Variants in MRPS26 observed in about 807,000 individuals in gnomAD.
The protein encoded by MRPS26 is small ribosomal subunit protein mS26.
In MRPS26, 26 loss-of-function variants were observed where a neutral mutation model predicts 22.7. The observed-to-expected ratio is 1.15, with a 90% CI of 0.84 to 1.59. The LOEUF is 1.59. Among genes scored for constraint, MRPS26 ranks in the 40% most tolerant of loss-of-function variants. The pLI is 0.00. For missense variants in MRPS26, 291 were observed against 287.7 expected (o/e 1.01, Z -0.08); for synonymous variants, 120 against 124.0 (o/e 0.97, Z 0.22).
intron 3 of MRPS26, among the ~76,000 whole-genome samples, chr20:3,047,485 C>T (rs984749961): frequency 2.0e-5 from 3 of 152,162 alleles, no homozygotes; most frequent in Non-Finnish European, 4.4e-5. Context: ...CCTACCAGGA[C>T]GTGAGATTTT....
In MRPS26 at chr20:3,046,073, T is replaced by C. The variant is rs2065985764; in HGVS notation, c.5T>C (p.Leu2Pro). 6.6e-7 allele frequency: 1 copy of C among 1,511,066 alleles called. No homozygotes were observed. The highest frequency in any genetic ancestry group is 8.8e-7 in the Non-Finnish European group (1 of 1,138,288). The allele number at this position is 1,511,066 out of a possible 1,614,324, so 93.6% of individuals were successfully genotyped here. A position where few individuals can be genotyped will look rare whatever the true frequency, so the allele number is the denominator to read the frequency against. The change falls in exon 1 of 4, where the codon CTA (leucine) becomes CCA (proline). Residue 2 changes from leucine (L) to proline (P), a missense_variant. Coordinates refer to ENST00000380325, the MANE Select transcript of MRPS26 (RefSeq NM_030811.4). MLRALSRLGAGT... is the reference protein window; with the variant it reads MPRALSRLGAGT... ...CCGCAGTGAGGAGACTCGGCCATGC[T>C]ACGCGCGCTGAGCCGCCTGGGCGCG...
intron 1 of MRPS26, 37 bp downstream of exon 1, chr20:3,046,317 T>C (rs907627720): frequency 6.2e-7 from 1 of 1,604,988 alleles, no homozygotes; most frequent in Non-Finnish European, 8.5e-7. Flanking sequence ...CCGCGCGCGC[T>C]GGTGACGGTG....
chr20:3,046,860 A>G, intron 3 of MRPS26, 123 bp downstream of exon 3: 1 of 1,435,616 alleles, frequency 7.0e-7, no homozygotes, highest in East Asian at 2.5e-5. Flanking sequence ...GCAGGTCCGG[A>G]TTTGGAGAGG....
At position 3,046,468 on chromosome 20, in the gene MRPS26, G is replaced by C. The variant is rs770938710; in HGVS notation, c.308G>C (p.Arg103Pro). Residue 103 changes from arginine (R) to proline (P), a missense_variant, in exon 2 of 4, where the codon CGC becomes CCC. Coordinates refer to ENST00000380325, the MANE Select transcript of MRPS26 (RefSeq NM_030811.4). ...RKALKDAAEHRELMAWNQAEN... is the reference protein window; with the variant it reads ...RKALKDAAEHPELMAWNQAEN... ...GCCCTGAAGGACGCCGCCGAGCACC[G>C]CGAGCTGATGGCCTGGAACCAGGCG... 1 of 1,588,450 alleles carries C rather than the reference G, an allele frequency of 6.3e-7. No individual in the cohort carries two copies. Among genetic ancestry groups the C allele is most frequent in the Non-Finnish European group, 8.5e-7 (1 of 1,172,378 alleles).
intron 3 of MRPS26, 56 bp downstream of exon 3, chr20:3,046,793 C>T (rs1469694504): frequency 6.6e-7 from 1 of 1,519,888 alleles, no homozygotes; most frequent in Non-Finnish European, 8.8e-7. Context: ...TTGCGGGGCA[C>T]TGGGAATTCT....
rs2065996058 is a variant in MRPS26, at chr20:3,047,806, G to T, written c.555G>T (p.Lys185Asn). ...TGGAAGCAGCATTGGACTCCCGGAA[G>T]AACTACAACTGGGCCATCACCAGAG... ...ARVEAALDSR[K>N]NYNWAITREG... The change falls in exon 4 of 4, where the codon AAG (lysine) becomes AAT (asparagine). Residue 185 changes from lysine to asparagine, a missense_variant. Physicochemically the swap from Lys to Asn is moderately conservative, Grantham distance 94. Transcript: ENST00000380325. 3 of 1,613,772 alleles carry T rather than the reference G, an allele frequency of 1.9e-6. No individual in the cohort carries two copies. The highest frequency in any genetic ancestry group is 2.5e-6 in the Non-Finnish European group (3 of 1,179,860).
intron 3 of MRPS26, 141 bp downstream of exon 3, chr20:3,046,878 CAGT>C (rs2065991757): frequency 2.9e-6 from 4 of 1,364,504 alleles, no homozygotes; most frequent in Non-Finnish European, 3.9e-6. Flanking sequence ...AGGAGAGTGC[CAGT>C]CAGGCGCAAA....
In MRPS26 at chr20:3,046,619, C is replaced by G; in HGVS notation, c.365C>G (p.Ala122Gly). 2 of 1,536,896 alleles carry G rather than the reference C, an allele frequency of 1.3e-6. No individual in the cohort carries two copies. Among genetic ancestry groups the G allele is most frequent in the Non-Finnish European group, 1.8e-6 (2 of 1,137,258 alleles). ...ENRRLHELRI[A>G]RLRQEEREQE... ...CGGCCCTTTGACCCTCACAGGATAG[C>G]GAGGCTGCGGCAGGAGGAGCGGGAG... Residue 122 changes from alanine to glycine, a missense_variant, in exon 3 of 4, where the codon GCG becomes GGG. Coordinates refer to ENST00000380325, the MANE Select transcript of MRPS26 (RefSeq NM_030811.4).
In MRPS26 at chr20:3,046,273, G is replaced by A. The variant is rs201261299; in HGVS notation, c.205G>A (p.Ala69Thr). ...CCAGCACTACCGCCAGACCGTGCGCGCCCTCAGGTGTGCGGCCGGGGGGAG... is the reference window on the plus strand; with the variant it reads ...CCAGCACTACCGCCAGACCGTGCGCACCCTCAGGTGTGCGGCCGGGGGGAG... The part of the protein sequence containing the change: ...RYQHYRQTVR[A>T]LRMEFVSEVQ... Residue 69 changes from alanine (A) to threonine (T), a missense_variant, in exon 1 of 4, where the codon GCC becomes ACC. Coordinates refer to ENST00000380325, the MANE Select transcript of MRPS26 (RefSeq NM_030811.4). 4.4e-6 allele frequency: 7 copies of A among 1,606,294 alleles called. No individual in the cohort carries two copies. The Admixed American group carries it at 1.0e-4, about 23-fold the overall frequency.
intron 3 of MRPS26, 142 bp from the exon 4 acceptor site, chr20:3,047,593 C>A: frequency 8.4e-7 from 1 of 1,192,922 alleles, no homozygotes; most frequent in South Asian, 1.4e-5. Context: ...GAGGGGCTCT[C>A]AAATAGGACC....
Position 3,047,963 on chromosome 20 carries a change from T to C in MRPS26, c.*94T>C. ...GGAATAAAGCAGTTGGTGTTGCTTATGAGGAAGGTTCAGCCTTATCCAGCA... is the reference window on the plus strand; with the variant it reads ...GGAATAAAGCAGTTGGTGTTGCTTACGAGGAAGGTTCAGCCTTATCCAGCA... On this transcript the variant is annotated 3_prime_UTR_variant, in exon 4 of 4. Coordinates refer to ENST00000380325, the MANE Select transcript of MRPS26 (RefSeq NM_030811.4). The C allele has an allele frequency of 7.0e-7, 1 of 1,437,332 alleles. No homozygotes were observed. The highest frequency in any genetic ancestry group is 9.2e-7 in the Non-Finnish European group (1 of 1,082,080). 89.0% of individuals were successfully genotyped at this position (1,437,332 alleles called of 1,614,324 possible).
At position 3,046,253 on chromosome 20, in the gene MRPS26, A is replaced by G. The variant is rs1483513418; in HGVS notation, c.185A>G (p.His62Arg). 1.9e-6 allele frequency: 3 copies of G among 1,607,072 alleles called. No homozygotes were observed. Among genetic ancestry groups the G allele is most frequent in the East Asian group, 4.5e-5 (2 of 44,826 alleles). ...EFFVLMERYQ[H>R]YRQTVRALRM... ...TTCGTGCTGATGGAGCGTTACCAGC[A>G]CTACCGCCAGACCGTGCGCGCCCTC... Residue 62 changes from histidine (H) to arginine (R), a missense_variant, in exon 1 of 4, where the codon CAC becomes CGC. By Grantham distance (29) the His-to-Arg change is conservative. Coordinates refer to ENST00000380325, the MANE Select transcript of MRPS26 (RefSeq NM_030811.4).
In MRPS26 at chr20:3,048,047, G is replaced by T; in HGVS notation, c.*178G>T. 1 of 671,512 alleles carries T rather than the reference G, an allele frequency of 1.5e-6. No individual in the cohort carries two copies. Among genetic ancestry groups the T allele is most frequent in the South Asian group, 2.3e-5 (1 of 43,340 alleles). 41.6% of individuals were successfully genotyped at this position (671,512 alleles called of 1,614,324 possible). A position where few individuals can be genotyped will look rare whatever the true frequency, so the allele number is the denominator to read the frequency against. On this transcript the variant is annotated 3_prime_UTR_variant, in exon 4 of 4. Coordinates refer to ENST00000380325, the MANE Select transcript of MRPS26 (RefSeq NM_030811.4). The surrounding 1 kb of genome is among the most constrained non-coding windows in gnomAD (Gnocchi z 4.1). ...TTGGTCAGAAACTTCCAAACGCAGT[G>T]CCCTGTTCTGCCGGTGTGTACAGCC...
rs748048354 is a variant in MRPS26, at chr20:3,046,543, G to A, written c.359+24G>A. On this transcript the variant is annotated intron_variant, in intron 2 of 3. Transcript: ENST00000380325. Reference sequence around the variant, plus strand: ...CGGTGCGTGGGGCGGGAGGCGGGGCGGGGCGGCGCGGCCTGGCCGGCCTGG... The same window carrying A: ...CGGTGCGTGGGGCGGGAGGCGGGGCAGGGCGGCGCGGCCTGGCCGGCCTGG... The A allele has an allele frequency of 3.3e-6, 5 of 1,511,196 alleles. 1 individual carries two copies. The African/African-American group carries it at 4.2e-5, about 13-fold the overall frequency. 93.6% of individuals were successfully genotyped at this position (1,511,196 alleles called of 1,614,324 possible).
At chr20:3,046,840 C>T in intron 3 of MRPS26, 103 bp downstream of exon 3, 5 of 1,474,464 alleles carry the variant, frequency 3.4e-6, no homozygotes, top group Non-Finnish European at 4.5e-6. Context: ...TGTGCAGAGA[C>T]TTACAGTTGG....
At position 3,046,261 on chromosome 20, in the gene MRPS26, C is replaced by A; in HGVS notation, c.193C>A (p.Gln65Lys). The change falls in exon 1 of 4, where the codon CAG (glutamine) becomes AAG (lysine). Residue 65 changes from glutamine (Q) to lysine (K), a missense_variant. Coordinates refer to ENST00000380325, the MANE Select transcript of MRPS26 (RefSeq NM_030811.4). ...GATGGAGCGTTACCAGCACTACCGC[C>A]AGACCGTGCGCGCCCTCAGGTGTGC... ...VLMERYQHYRQTVRALRMEFV... is the reference protein window; with the variant it reads ...VLMERYQHYRKTVRALRMEFV... The A allele has an allele frequency of 6.2e-7, 1 of 1,607,274 alleles. No homozygotes were observed.
chr20:3,046,785 G>A (rs2065991313), intron 3 of MRPS26, 48 bp downstream of exon 3: 2 of 1,524,770 alleles, frequency 1.3e-6, no homozygotes, highest in African/African-American at 2.8e-5. Context: ...GACGCGGCTT[G>A]CGGGGCACTG....
At chr20:3,046,304 C>A (rs753224447) in intron 1 of MRPS26, 24 bp downstream of exon 1, 3 of 1,604,326 alleles carry the variant, frequency 1.9e-6, no homozygotes, top group Non-Finnish European at 8.5e-7. Context: ...GGGAGGTGGC[C>A]GCCCGCGCGC....
chr20:3,046,717 C>G lies in MRPS26; in HGVS notation c.463C>G (p.Arg155Gly). 1 of 1,543,170 alleles carries G rather than the reference C, an allele frequency of 6.5e-7. No homozygotes were observed. The highest frequency in any genetic ancestry group is 8.7e-7 in the Non-Finnish European group (1 of 1,145,660). ...EVQAWAQRKEREVLQLQEEVK... is the reference protein window; with the variant it reads ...EVQAWAQRKEGEVLQLQEEVK... ...GCAGGCCTGGGCGCAGCGCAAGGAG[C>G]GGGAAGTGCTGCAGCTGCAGGTGGG... Residue 155 changes from arginine (R) to glycine (G), a missense_variant, in exon 3 of 4, where the codon CGG becomes GGG. By Grantham distance (125) the Arg-to-Gly change is moderately radical (BLOSUM62 -2). Transcript: ENST00000380325.
Sources: allele counts gnomAD v4.1 joint callset (sites outside exome capture counted in the v4.1 genomes callset), GRCh38; gene constraint gnomAD v4.1.1; non-coding constraint Gnocchi (gnomAD v3.1); transcripts MANE v1.5; gene names NCBI Gene and HGNC (gene_info 2026-07-23, HGNC 2026-07-21).